Variants in QRFPR observed in about 807,000 individuals in gnomAD.
QRFPR encodes the protein pyroglutamylated RF-amide peptide receptor.
In QRFPR, 37 loss-of-function variants were observed where a neutral mutation model predicts 31.3. The observed-to-expected ratio is 1.18, with a 90% CI of 0.91 to 1.56. The LOEUF is 1.56. QRFPR is among the 40% of genes most tolerant of loss of function. The pLI, the probability that QRFPR is intolerant of heterozygous loss-of-function variation, is 0.00. For missense variants in QRFPR, 542 were observed against 532.5 expected (o/e 1.02, Z -0.18); for synonymous variants, 197 against 192.0 (o/e 1.03, Z -0.22).
At position 121,330,531 on chromosome 4, in the gene QRFPR, C is replaced by A. The variant is rs1350834685; in HGVS notation, c.798-8G>T. 3 of 1,605,816 alleles carry A rather than the reference C, an allele frequency of 1.9e-6. No individual in the cohort carries two copies. Among genetic ancestry groups the A allele is most frequent in the Non-Finnish European group, 2.6e-6 (3 of 1,172,728 alleles). ...ACAGCTCGTTTCTTCTTCCTAAACC[C>A]ACAAGGAAACATTGTATTAGTTAAC... On this transcript the variant is annotated splice_region_variant and splice_polypyrimidine_tract_variant and intron_variant, in intron 4 of 5. Coordinates refer to ENST00000394427, the MANE Select transcript of QRFPR (RefSeq NM_198179.3).
chr4:121,335,577 G>GT (rs1271600981), intron 3 of QRFPR, among the ~76,000 whole-genome samples: 3 of 99,292 alleles, frequency 3.0e-5, no homozygotes, highest in South Asian at 5.2e-4. Context: ...TGTATGGGGG[G>GT]TGGGGGGTGG....
intron 1 of QRFPR, among the ~76,000 whole-genome samples, chr4:121,342,699 T>C (rs1725564993): frequency 7.1e-6 from 1 of 140,230 alleles, no homozygotes; most frequent in Non-Finnish European, 1.7e-5. Context: ...AGAGCAATAA[T>C]TTTTGTCTAT....
chr4:121,340,165 C>T, intron 2 of QRFPR: 1 of 297,844 alleles, frequency 3.4e-6, no homozygotes, highest in Non-Finnish European at 6.3e-6. Flanking sequence ...GTTAATGTGG[C>T]AATGCCACTG....
chr4:121,367,867 C>A (rs1726156979), intron 1 of QRFPR, among the ~76,000 whole-genome samples: 1 of 110,874 alleles, frequency 9.0e-6, no homozygotes, highest in Non-Finnish European at 1.8e-5. Context: ...CTTTGCCAAC[C>A]TACAACATTT....
At chr4:121,361,426 C>G (rs1725989859) in intron 1 of QRFPR, among the ~76,000 whole-genome samples, 1 of 150,082 alleles carries the variant, frequency 6.7e-6, no homozygotes, top group African/African-American at 2.5e-5. Flanking sequence ...AGATACGCAG[C>G]CATGGTCTAT....
rs529309293 is a variant in QRFPR, at chr4:121,335,783, A to G, written c.561+1024T>C. 3.9e-5 allele frequency among the ~76,000 whole-genome samples: 6 copies of G among 152,126 alleles called. No individual in the cohort carries two copies. The South Asian group carries it at 1.2e-3, about 32-fold the overall frequency. ...CTGGACAGGACAGTTTAATAACAGAACTCACACTATTCTTCTGAGTGAAAG... is the reference window on the plus strand; with the variant it reads ...CTGGACAGGACAGTTTAATAACAGAGCTCACACTATTCTTCTGAGTGAAAG... On this transcript the variant is annotated intron_variant, in intron 3 of 5. Coordinates refer to ENST00000394427, the MANE Select transcript of QRFPR (RefSeq NM_198179.3).
At chr4:121,373,507 C>T (rs1726292599) in intron 1 of QRFPR, among the ~76,000 whole-genome samples, 1 of 152,170 alleles carries the variant, frequency 6.6e-6, no homozygotes, top group Non-Finnish European at 1.5e-5. Flanking sequence ...TTTAAAAAGA[C>T]TATTCTTCAT....
chr4:121,347,000 T>C (rs1725664401), intron 1 of QRFPR, among the ~76,000 whole-genome samples: 1 of 152,182 alleles, frequency 6.6e-6, no homozygotes, highest in South Asian at 2.1e-4. Flanking sequence ...TTGAACTGTC[T>C]TTCTCTGGTT....
chr4:121,337,639 G>A (rs1026925923), intron 2 of QRFPR, among the ~76,000 whole-genome samples: 19 of 152,014 alleles, frequency 1.2e-4, no homozygotes, highest in African/African-American at 4.3e-4. Context: ...TTTATCTTAA[G>A]CACCATAACA....
intron 1 of QRFPR, among the ~76,000 whole-genome samples, chr4:121,368,477 A>G (rs1726168697): frequency 6.6e-6 from 1 of 150,536 alleles, no homozygotes; most frequent in Non-Finnish European, 1.5e-5. Context: ...TCTGTGGCAT[A>G]GAAAGAGAAG....
At chr4:121,373,217 T>A (rs1278373983) in intron 1 of QRFPR, among the ~76,000 whole-genome samples, 1 of 152,248 alleles carries the variant, frequency 6.6e-6, no homozygotes, top group Non-Finnish European at 1.5e-5. Context: ...TATTTAAAAC[T>A]TTCTTACTGC....
At chr4:121,359,638 T>TGA (rs1465879792) in intron 1 of QRFPR, among the ~76,000 whole-genome samples, 5 of 150,960 alleles carry the variant, frequency 3.3e-5, no homozygotes, top group African/African-American at 1.2e-4. Context: ...TATATATGTG[T>TGA]GTGTGTGTAT....
intron 1 of QRFPR, among the ~76,000 whole-genome samples, chr4:121,356,998 T>C (rs1725883381): frequency 6.6e-6 from 1 of 152,068 alleles, no homozygotes; most frequent in Non-Finnish European, 1.5e-5. Context: ...CAAAGAATAA[T>C]ATCAAACAAA....
At chr4:121,361,788 T>A (rs975433906) in intron 1 of QRFPR, among the ~76,000 whole-genome samples, 1 of 150,082 alleles carries the variant, frequency 6.7e-6, no homozygotes, top group African/African-American at 2.5e-5. Context: ...ACGAGGTAAC[T>A]AGGCCGCAAG....
rs13129772 is a variant in QRFPR, at chr4:121,354,880, G to A, written c.341-14270C>T. Among the ~76,000 whole-genome samples the A allele has an allele frequency of 5.3e-4, 81 of 151,874 alleles. 1 individual carries two copies. In the East Asian group the frequency reaches 0.011, roughly 21 times the overall value. ...TATGATGTACCACACTGATTGATTC[G>A]CATAGGTTGAACTATCCTTGCATCC... On this transcript the variant is annotated intron_variant, in intron 1 of 5. Transcript: ENST00000394427.
At chr4:121,342,913 C>T (rs1459663238) in intron 1 of QRFPR, among the ~76,000 whole-genome samples, 2 of 152,116 alleles carry the variant, frequency 1.3e-5, no homozygotes, top group Non-Finnish European at 2.9e-5. Flanking sequence ...CAGAACTAAC[C>T]AACTATCTTT....
At chr4:121,375,325 A>G (rs968003410) in intron 1 of QRFPR, among the ~76,000 whole-genome samples, 2 of 152,146 alleles carry the variant, frequency 1.3e-5, no homozygotes, top group African/African-American at 4.8e-5. Context: ...GTGCTCTGGA[A>G]CCCTGACATC....
At chr4:121,354,224 T>G (rs1268331276) in intron 1 of QRFPR, among the ~76,000 whole-genome samples, 2 of 152,120 alleles carry the variant, frequency 1.3e-5, no homozygotes, top group African/African-American at 2.4e-5. Flanking sequence ...ATTTTAGGAT[T>G]GTTTTTTCTA....
Position 121,329,264 on chromosome 4 carries a change from C to T in QRFPR, c.*50G>A. 1.5e-6 allele frequency: 2 copies of T among 1,375,416 alleles called. No homozygotes were observed. The allele number at this position is 1,375,416 out of a possible 1,614,324, so 85.2% of individuals were successfully genotyped here. A position where few individuals can be genotyped will look rare whatever the true frequency, so the allele number is the denominator to read the frequency against. On this transcript the variant is annotated 3_prime_UTR_variant, in exon 6 of 6. Transcript: ENST00000394427. Reference sequence around the variant, plus strand: ...TTTGACCTTTGCTCAAAATAATTTTCTCTTTGGGTTACAATCTGAAGGGCA... The same window carrying T: ...TTTGACCTTTGCTCAAAATAATTTTTTCTTTGGGTTACAATCTGAAGGGCA...
Sources: gnomAD v4.1 joint callset for allele counts (sites outside exome capture counted in the v4.1 genomes callset) on GRCh38, gnomAD v4.1.1 for gene constraint, MANE v1.5 for transcripts, NCBI Gene and HGNC (gene_info 2026-07-23, HGNC 2026-07-21) for gene names.